Variants in FOXO3 observed in about 807,000 individuals in gnomAD.
The protein encoded by FOXO3 is forkhead box protein O3.
In FOXO3, 4 loss-of-function variants were observed where a neutral mutation model predicts 41.9. That is an observed-to-expected ratio of 0.10 (90% CI 0.05 to 0.22). The LOEUF is 0.22. Ranked by LOEUF, FOXO3 falls within the 10% of genes least tolerant of loss-of-function variation. The pLI is 1.00. For synonymous variants in FOXO3, 318 were observed against 389.3 expected (o/e 0.82, Z 2.16); for missense variants, 534 against 906.8 (o/e 0.59, Z 5.28).
chr6:108,586,612 C>T (rs1776585172), intron 1 of FOXO3, among the ~76,000 whole-genome samples: 1 of 151,932 alleles, frequency 6.6e-6, no homozygotes, highest in Non-Finnish European at 1.5e-5. Context: ...TCTTGGAGGA[C>T]CCTATGGGAG....
intron 1 of FOXO3, among the ~76,000 whole-genome samples, chr6:108,621,205 T>C (rs1177811308): frequency 5.3e-5 from 8 of 152,180 alleles, no homozygotes; most frequent in African/African-American, 1.9e-4. Context: ...TTAAAAGCTA[T>C]GCTTGTATGT....
At chr6:108,618,257 A>G in intron 1 of FOXO3, 1 of 768,756 alleles carries the variant, frequency 1.3e-6, no homozygotes, top group South Asian at 1.3e-5. Flanking sequence ...CTTAGTCTTG[A>G]CTCCTTCCTG....
At chr6:108,566,846 G>A (rs181686164) in intron 1 of FOXO3, among the ~76,000 whole-genome samples, 161 of 152,312 alleles carry the variant, frequency 1.1e-3, no homozygotes, top group African/African-American at 3.6e-3. Flanking sequence ...ATGCAAAGAC[G>A]AGTTGATATC....
chr6:108,579,814 C>T (rs1010020532), intron 1 of FOXO3, among the ~76,000 whole-genome samples: 4 of 152,122 alleles, frequency 2.6e-5, no homozygotes, highest in Non-Finnish European at 5.9e-5. Flanking sequence ...CAGAGAAACC[C>T]CCAGTCCTTG....
At chr6:108,566,172 C>T (rs181272585) in intron 1 of FOXO3, among the ~76,000 whole-genome samples, 2 of 152,226 alleles carry the variant, frequency 1.3e-5, no homozygotes, top group Admixed American at 1.3e-4. Flanking sequence ...CCCTTTTAGA[C>T]TTTGATCTGT....
chr6:108,636,803 G>A (rs1778133036), intron 1 of FOXO3, among the ~76,000 whole-genome samples: 2 of 152,170 alleles, frequency 1.3e-5, no homozygotes, highest in Admixed American at 1.3e-4. Flanking sequence ...TCTGGAGAAG[G>A]ACTTCATGTT....
chr6:108,560,406 C>T (rs925765895), upstream of FOXO3, among the ~76,000 whole-genome samples: 1 of 152,206 alleles, frequency 6.6e-6, no homozygotes, highest in Admixed American at 6.5e-5. Context: ...CTGCGAACAC[C>T]CGCTGGGCTG....
chr6:108,670,583 G>A (rs542587892), intron 2 of FOXO3, among the ~76,000 whole-genome samples: 127 of 152,180 alleles, frequency 8.3e-4, no homozygotes, highest in African/African-American at 3.0e-3. Flanking sequence ...GAGCCTTAAA[G>A]GTTAATACAC....
intron 1 of FOXO3, among the ~76,000 whole-genome samples, chr6:108,663,180 C>T (rs925610272): frequency 6.6e-6 from 1 of 152,100 alleles, no homozygotes; most frequent in African/African-American, 2.4e-5. Context: ...TGAGACCAGC[C>T]TGGGTAACGT....
chr6:108,604,034 T>C (rs1186482195), intron 1 of FOXO3, among the ~76,000 whole-genome samples: 1 of 152,154 alleles, frequency 6.6e-6, no homozygotes, highest in Non-Finnish European at 1.5e-5. Context: ...GTATTGAGGA[T>C]GATCACATCC....
At chr6:108,679,368 G>T (rs973556730) in intron 2 of FOXO3, among the ~76,000 whole-genome samples, 1 of 152,126 alleles carries the variant, frequency 6.6e-6, no homozygotes, top group Non-Finnish European at 1.5e-5. Context: ...CACATAGCCA[G>T]TAGGGAAGAA....
At chr6:108,630,626 T>C (rs1777943094) in intron 1 of FOXO3, among the ~76,000 whole-genome samples, 1 of 152,188 alleles carries the variant, frequency 6.6e-6, no homozygotes, top group African/African-American at 2.4e-5. Context: ...CTTGTGATCT[T>C]GTGAGGAGGC....
chr6:108,611,104 G>T (rs1383143388), intron 1 of FOXO3, among the ~76,000 whole-genome samples: 1 of 151,860 alleles, frequency 6.6e-6, no homozygotes. Flanking sequence ...AGTCATTACT[G>T]TATGTAGCCC....
intron 1 of FOXO3, among the ~76,000 whole-genome samples, chr6:108,613,361 G>GT (rs71015554): frequency 6.6e-6 from 1 of 151,992 alleles, no homozygotes; most frequent in African/African-American, 2.4e-5. Flanking sequence ...AGAGCCTGGA[G>GT]TTTTTTTGTG....
chr6:108,593,778 T>C (rs1472475662), intron 1 of FOXO3, among the ~76,000 whole-genome samples: 3 of 134,446 alleles, frequency 2.2e-5, no homozygotes, highest in African/African-American at 8.6e-5. Flanking sequence ...GTGCAGTGGC[T>C]CAATCTTGGC....
At chr6:108,620,571 A>G (rs1057482042) in intron 1 of FOXO3, among the ~76,000 whole-genome samples, 2 of 152,238 alleles carry the variant, frequency 1.3e-5, no homozygotes, top group Middle Eastern at 3.2e-3. Context: ...TGGAGCTGAG[A>G]TAATTAGTAT....
At chr6:108,657,673 C>G (rs752572799) in intron 1 of FOXO3, among the ~76,000 whole-genome samples, 2 of 152,088 alleles carry the variant, frequency 1.3e-5, no homozygotes, top group African/African-American at 2.4e-5. Context: ...AGGTGACATA[C>G]GAATTAGTGA....
chr6:108,655,611 G>A (rs999277026), intron 1 of FOXO3, among the ~76,000 whole-genome samples: 6 of 152,316 alleles, frequency 3.9e-5, no homozygotes, highest in Middle Eastern at 3.4e-3. Flanking sequence ...AGTGTTTAAA[G>A]TCTCCCCAGG....
At chr6:108,617,180 A>AGGTT (rs1360606568) in intron 1 of FOXO3, among the ~76,000 whole-genome samples, 23 of 152,168 alleles carry the variant, frequency 1.5e-4, no homozygotes, top group African/African-American at 5.3e-4. Context: ...AACTCTCTTT[A>AGGTT]ACCTTTTGAG....
Sources: allele counts gnomAD v4.1 joint callset (sites outside exome capture counted in the v4.1 genomes callset), GRCh38; gene constraint gnomAD v4.1.1; transcripts MANE v1.5; gene names NCBI Gene and HGNC (gene_info 2026-07-23, HGNC 2026-07-21).